The following CASP9 variants were observed in gnomAD, a reference collection of about 807,000 sequenced individuals.
The protein encoded by CASP9 is caspase 9, also known as caspase-9.
A neutral mutation model predicts 43.5 loss-of-function variants in CASP9; 29 were observed. The observed-to-expected ratio is 0.67, with a 90% confidence interval of 0.50 to 0.91. CASP9 has a LOEUF of 0.91. CASP9 is among the 40% of genes least tolerant of loss of function. The pLI is 0.00. For missense variants in CASP9, 575 were observed against 537.4 expected, an observed-to-expected ratio of 1.07 and a Z score of -0.69; for synonymous variants, 206 against 211.9, an observed-to-expected ratio of 0.97 and a Z score of 0.24.
At chr1:15,501,062 G>A (rs781279662) in intron 6 of CASP9, among the ~76,000 whole-genome samples, 7 of 152,300 alleles carry the variant, frequency 4.6e-5, no homozygotes, top group South Asian at 2.1e-4. Flanking sequence ...AAAACTCCCC[G>A]TAGGGCAGGA....
At chr1:15,493,606 G>A (rs1708976329) in intron 8 of CASP9, 1 of 1,436,314 alleles carries the variant, frequency 7.0e-7, no homozygotes, top group Non-Finnish European at 9.1e-7. Context: ...ATCCTGCGCT[G>A]GCACTGAGGA....
At chr1:15,513,186 T>C (rs1051945555) in intron 2 of CASP9, among the ~76,000 whole-genome samples, 19 of 148,472 alleles carry the variant, frequency 1.3e-4, no homozygotes, top group Non-Finnish European at 3.0e-5. Context: ...AACGAACGGC[T>C]CATTCTCTTT....
At chr1:15,509,262 T>G (rs1709641957) in intron 2 of CASP9, among the ~76,000 whole-genome samples, 1 of 152,108 alleles carries the variant, frequency 6.6e-6, no homozygotes, top group Non-Finnish European at 1.5e-5. Flanking sequence ...AGACAATGAA[T>G]CTTGGGTATT....
rs181998167 is a variant in CASP9, at chr1:15,513,327, T to C, written c.418+4783A>G. On this transcript the variant is annotated intron_variant, in intron 2 of 8. Transcript: ENST00000333868. ...TTTATACACATACACACACCCCCTA[T>C]TGGTTCTCTTTCTCTGGAGAATCAT... 2.5e-3 allele frequency among the ~76,000 whole-genome samples: 376 copies of C among 152,124 alleles called. 2 individuals are homozygous for C. Among genetic ancestry groups the C allele is most frequent in the Non-Finnish European group, 4.4e-3 (296 of 67,990 alleles).
intron 2 of CASP9, 121 bp downstream of exon 2, chr1:15,517,988 GA>G: frequency 8.3e-7 from 1 of 1,206,128 alleles, no homozygotes; most frequent in Non-Finnish European, 1.2e-6. Flanking sequence ...CCATCCCTAT[GA>G]ACATTCAGAA....
intron 2 of CASP9, among the ~76,000 whole-genome samples, chr1:15,511,768 G>A (rs573152194): frequency 7.1e-4 from 108 of 152,256 alleles, no homozygotes; most frequent in African/African-American, 2.1e-3. Context: ...AGGTCTGCTG[G>A]GAAAAACCTG....
At chr1:15,519,643 A>T (rs2103378202) in intron 1 of CASP9, among the ~76,000 whole-genome samples, 1 of 152,244 alleles carries the variant, frequency 6.6e-6, no homozygotes, top group Middle Eastern at 3.4e-3. Flanking sequence ...CAAAGCAGAG[A>T]TACAAAGAGA....
intron 6 of CASP9, among the ~76,000 whole-genome samples, chr1:15,497,088 T>C (rs1203320731): frequency 1.3e-5 from 2 of 151,558 alleles, no homozygotes; most frequent in East Asian, 3.9e-4. Context: ...GGCAGGCAGA[T>C]CACCTGAGGT....
At chr1:15,522,187 TTC>T (rs1710229995) in intron 1 of CASP9, among the ~76,000 whole-genome samples, 1 of 152,230 alleles carries the variant, frequency 6.6e-6, no homozygotes, top group African/African-American at 2.4e-5. Context: ...CATAGGGTTT[TTC>T]TGTTTGTTTG....
chr1:15,518,224 T>C lies in CASP9; in HGVS notation c.304A>G (p.Thr102Ala), dbSNP rs1415058916. ...ACCACTGGGGTAAGGTTTTCTAGGG[T>C]TGGCTTCGACAACTTTGCTGCTTGC... ...NRQAAKLSKP[T>A]LENLTPVVLR... The change falls in exon 2 of 9, where the codon ACC becomes GCC. Residue 102 changes from threonine (T) to alanine (A), a missense_variant. Coordinates refer to ENST00000333868, the MANE Select transcript of CASP9 (RefSeq NM_001229.5). 4 of 1,614,070 alleles carry C rather than the reference T, an allele frequency of 2.5e-6. No homozygotes were observed. The highest frequency in any genetic ancestry group is 1.1e-5 in the South Asian group (1 of 91,082).
intron 6 of CASP9, among the ~76,000 whole-genome samples, chr1:15,503,980 A>G (rs559756569): frequency 3.4e-4 from 51 of 152,198 alleles, no homozygotes; most frequent in Non-Finnish European, 5.7e-4. Context: ...TAGAGCATAC[A>G]GCAAAACTAC....
At chr1:15,499,751 C>T (rs1263588352) in intron 6 of CASP9, among the ~76,000 whole-genome samples, 1 of 152,208 alleles carries the variant, frequency 6.6e-6, no homozygotes, top group Admixed American at 6.5e-5. Context: ...ATCTGGGGAA[C>T]TGCTTAAGGG....
chr1:15,514,337 C>T (rs778931468), intron 2 of CASP9, among the ~76,000 whole-genome samples: 14 of 152,234 alleles, frequency 9.2e-5, no homozygotes, highest in Non-Finnish European at 1.6e-4. Context: ...GGCTCTGCTG[C>T]TGGCCCTATT....
intron 6 of CASP9, among the ~76,000 whole-genome samples, chr1:15,500,336 G>C (rs553176435): frequency 5.5e-4 from 84 of 152,300 alleles, no homozygotes; most frequent in Non-Finnish European, 1.0e-3. Flanking sequence ...AACGCAGGCA[G>C]GTTTGCATGG....
At chr1:15,504,813 C>A (rs1411305609) in intron 5 of CASP9, 55 bp from the exon 6 acceptor site, 8 of 1,554,494 alleles carry the variant, frequency 5.1e-6, no homozygotes, top group Non-Finnish European at 7.0e-6. Context: ...AGGAATCCAA[C>A]AGCCTGTTCA....
chr1:15,524,635 C>A (rs1206295439), upstream of CASP9: 3 of 1,046,506 alleles, frequency 2.9e-6, no homozygotes, highest in South Asian at 2.6e-5. Context: ...GGACGCATCT[C>A]CAACGCCTCG....
At chr1:15,506,805 G>T (rs918363921) in intron 4 of CASP9, 94 bp downstream of exon 4, 2 of 1,085,972 alleles carry the variant, frequency 1.8e-6, no homozygotes, top group Non-Finnish European at 2.7e-6. Flanking sequence ...GTAAGGGCTC[G>T]CCTGGGGAGT....
At chr1:15,524,819 G>A (rs1172040159), upstream of CASP9, 10 of 897,254 alleles carry the variant, frequency 1.1e-5, no homozygotes, top group Non-Finnish European at 1.3e-5. Context: ...CCCAGGATTC[G>A]CTCTGCGTCA....
intron 1 of CASP9, among the ~76,000 whole-genome samples, chr1:15,518,835 C>T (rs1710063706): frequency 6.6e-6 from 1 of 151,846 alleles, no homozygotes; most frequent in Admixed American, 6.6e-5. Flanking sequence ...ATCCTGAGAC[C>T]TGTCAGGTGC....
Sources: gnomAD v4.1 joint callset for allele counts (sites outside exome capture counted in the v4.1 genomes callset) on GRCh38, gnomAD v4.1.1 for gene constraint, MANE v1.5 for transcripts, NCBI Gene and HGNC (gene_info 2026-07-23, HGNC 2026-07-21) for gene names.